The following TEC variants were observed in gnomAD, a reference collection of about 807,000 sequenced individuals.
TEC encodes tyrosine-protein kinase Tec.
In TEC, 72 loss-of-function variants were observed where a neutral mutation model predicts 93.0. The observed-to-expected ratio is 0.77, with a 90% CI of 0.64 to 0.94. TEC has a LOEUF of 0.94. Ranked by LOEUF, TEC falls within the 40% of genes least tolerant of loss-of-function variation. TEC has a pLI of 0.00. For synonymous variants in TEC, 249 were observed against 247.7 expected (o/e 1.01, Z -0.05); for missense variants, 630 against 757.9 (o/e 0.83, Z 1.98).
chr4:48,189,690 GA>G (rs1722024192), intron 2 of TEC, among the ~76,000 whole-genome samples: 1 of 152,184 alleles, frequency 6.6e-6, no homozygotes, highest in Non-Finnish European at 1.5e-5. Flanking sequence ...GATGCAAAAT[GA>G]TCAGATTCCA....
At chr4:48,244,865 T>A (rs2109661232) in intron 1 of TEC, among the ~76,000 whole-genome samples, 1 of 152,308 alleles carries the variant, frequency 6.6e-6, no homozygotes, top group African/African-American at 2.4e-5. Context: ...CTATGAGAGC[T>A]AGGCACTCTA....
intron 2 of TEC, among the ~76,000 whole-genome samples, chr4:48,224,291 T>C (rs1366494024): frequency 6.6e-6 from 1 of 152,248 alleles, no homozygotes. Context: ...TCTTAGCTAA[T>C]GATAGTTGCA....
At chr4:48,147,660 AGAGGGGTT>A (rs1229604332) in intron 11 of TEC, among the ~76,000 whole-genome samples, 2 of 152,190 alleles carry the variant, frequency 1.3e-5, no homozygotes, top group African/African-American at 4.8e-5. Context: ...ATTTGGAGAT[AGAGGGGTT>A]GATCCTGTCT....
rs765738649 is a variant in TEC at position 48,149,558 on chromosome 4, T to C, written c.1005A>G (p.Ala335=). 7 of 1,599,550 alleles carry C rather than the reference T, an allele frequency of 4.4e-6. 1 individual carries two copies. The South Asian group carries it at 8.0e-5, about 18-fold the overall frequency. Residue 335 remains alanine, a splice_region_variant and synonymous_variant, in exon 11 of 18, where the codon GCA becomes GCG. Transcript: ENST00000381501. ...AGTAGGTTTTCACAGCTCACTTACC[T>C]GCTGCATTGTGCTTATGATATTCAA... ...EIIEYHKHNA[A]GLVTRLRYPV... is the part of the protein sequence containing the mutation.
chr4:48,246,241 G>A (rs12643804), intron 1 of TEC, among the ~76,000 whole-genome samples: 63,364 of 151,814 alleles, frequency 0.42, 13,380 homozygotes, highest in Middle Eastern at 0.5. Flanking sequence ...ATTTTTGCAC[G>A]GCAAACTACA....
intron 1 of TEC, among the ~76,000 whole-genome samples, chr4:48,236,712 T>C (rs1723795069): frequency 6.6e-6 from 1 of 152,238 alleles, no homozygotes; most frequent in African/African-American, 2.4e-5. Flanking sequence ...TTTTAACACA[T>C]TGTCTTTGAA....
At chr4:48,248,750 A>G (rs1321007917) in intron 1 of TEC, among the ~76,000 whole-genome samples, 1 of 152,186 alleles carries the variant, frequency 6.6e-6, no homozygotes, top group East Asian at 1.9e-4. Context: ...AGAGAGCACC[A>G]GGTTCACACG....
In TEC at chr4:48,236,775, A is replaced by G. The variant is rs528920209; in HGVS notation, c.-45-8116T>C. ...AACTGTCACTGTATCACCGGTGAGA[A>G]ACACAAACCACCAAAGTTATACTGT... On this transcript the variant is annotated intron_variant, in intron 1 of 17. Transcript: ENST00000381501. Among the ~76,000 whole-genome samples, 3 of 152,332 alleles carry G rather than the reference A, an allele frequency of 2.0e-5. No individual in the cohort carries two copies. In the South Asian group the frequency reaches 6.2e-4, roughly 32 times the overall value.
chr4:48,212,110 A>AAAAT, intron 2 of TEC, among the ~76,000 whole-genome samples: 21 of 122,244 alleles, frequency 1.7e-4, no homozygotes, highest in African/African-American at 3.6e-4. Context: ...AAAAAAAAAA[A>AAAAT]ATATATATAT....
chr4:48,186,009 C>T (rs1721823165), intron 2 of TEC, among the ~76,000 whole-genome samples: 1 of 152,242 alleles, frequency 6.6e-6, no homozygotes, highest in South Asian at 2.1e-4. Context: ...AGGCGCGCGC[C>T]GCCACACCTG....
chr4:48,231,263 ACC>A (rs2109643260), intron 1 of TEC, among the ~76,000 whole-genome samples: 1 of 152,242 alleles, frequency 6.6e-6, no homozygotes, highest in East Asian at 1.9e-4. Context: ...GAACTAATTA[ACC>A]CAACAGCCAA....
At chr4:48,149,207 G>C in intron 11 of TEC, among the ~76,000 whole-genome samples, 1 of 152,104 alleles carries the variant, frequency 6.6e-6, no homozygotes, top group East Asian at 1.9e-4. Flanking sequence ...GGGATTGCTG[G>C]CTTGAATGGT....
chr4:48,232,288 C>CA (rs1358317961), intron 1 of TEC, among the ~76,000 whole-genome samples: 1 of 131,190 alleles, frequency 7.6e-6, no homozygotes, highest in Non-Finnish European at 1.6e-5. Context: ...GACTCTGTCT[C>CA]AAAAAAACAA....
chr4:48,257,339 T>C (rs777116551), intron 1 of TEC, among the ~76,000 whole-genome samples: 1 of 152,238 alleles, frequency 6.6e-6, no homozygotes, highest in Non-Finnish European at 1.5e-5. Context: ...AAGGTCTATA[T>C]AGTTAAGGGG....
rs781013041 is a variant in TEC at position 48,137,454 on chromosome 4, C to G, written c.1858G>C (p.Asp620His). ...GTTTCTTCACATTCAACTAGTTCAT[C>G]TATTGTGCGCAGCAGATCTTCGAAA... ...PSFEDLLRTI[D>H]ELVECEETFG... Residue 620 changes from aspartate to histidine, a missense_variant, in exon 18 of 18, where the codon GAT becomes CAT. Asp to His is a moderately conservative substitution (Grantham distance 81, BLOSUM62 -1). This residue lies in a region of TEC where 289 missense variants were observed against 390.0 expected (regional missense o/e 0.74). Transcript: ENST00000381501. 1 of 1,614,184 alleles carries G rather than the reference C, an allele frequency of 6.2e-7. No homozygotes were observed. The highest frequency in any genetic ancestry group is 8.5e-7 in the Non-Finnish European group (1 of 1,180,020).
chr4:48,220,297 T>C (rs1723218977), intron 2 of TEC, among the ~76,000 whole-genome samples: 1 of 151,906 alleles, frequency 6.6e-6, no homozygotes, highest in African/African-American at 2.4e-5. Context: ...TCAAAGAGTT[T>C]GATATGGTTT....
intron 1 of TEC, among the ~76,000 whole-genome samples, chr4:48,242,737 G>T (rs895338143): frequency 1.6e-4 from 24 of 152,136 alleles, no homozygotes; most frequent in Non-Finnish European, 3.2e-4. Context: ...TATCTCCAAT[G>T]TGTGAAGTGA....
chr4:48,149,555 A>G lies in TEC; in HGVS notation c.1006+2T>C. The G allele has an allele frequency of 6.3e-7, 1 of 1,595,550 alleles. No homozygotes were observed. The highest frequency in any genetic ancestry group is 1.8e-5 in the Admixed American group (1 of 55,792). Reference sequence around the variant, plus strand: ...TGAAGTAGGTTTTCACAGCTCACTTACCTGCTGCATTGTGCTTATGATATT... The same window carrying G: ...TGAAGTAGGTTTTCACAGCTCACTTGCCTGCTGCATTGTGCTTATGATATT... On this transcript the variant is annotated splice_donor_variant, in intron 11 of 17. Transcript: ENST00000381501. LOFTEE classifies it high-confidence loss of function.
chr4:48,265,837 T>A (rs979613381), intron 1 of TEC, among the ~76,000 whole-genome samples: 2 of 152,044 alleles, frequency 1.3e-5, no homozygotes, highest in African/African-American at 4.8e-5. Context: ...TTAAGAAAAT[T>A]TCCCAAACTG....
Sources: gnomAD v4.1 joint callset for allele counts (sites outside exome capture counted in the v4.1 genomes callset) on GRCh38, gnomAD v4.1.1 for gene constraint, gnomAD v4.1.1 regional missense constraint, MANE v1.5 for transcripts, NCBI Gene and HGNC (gene_info 2026-07-23, HGNC 2026-07-21) for gene names.